The following CHD9 variants were observed in gnomAD, a reference collection of about 807,000 sequenced individuals.
CHD9 encodes ATP-dependent chromatin remodeler CHD9.
Under a neutral mutation model 316.1 loss-of-function variants are expected in CHD9, and 77 were observed. The observed-to-expected ratio is 0.24, with a 90% confidence interval of 0.20 to 0.29. CHD9 has a LOEUF of 0.29. Ranked by LOEUF, CHD9 falls within the 10% of genes least tolerant of loss-of-function variation. The pLI, the probability that CHD9 is intolerant of heterozygous loss-of-function variation, is 1.00. For missense variants in CHD9, 2,763 were observed against 3,438.1 expected (o/e 0.80, Z 4.91); for synonymous variants, 1,129 against 1,158.3 (o/e 0.97, Z 0.51).
intron 1 of CHD9, among the ~76,000 whole-genome samples, chr16:53,153,893 A>AG (rs1341008152): frequency 1.3e-5 from 2 of 152,160 alleles, no homozygotes; most frequent in African/African-American, 4.8e-5. Context: ...GAAATACTTC[A>AG]GCTTGTAGGT....
chr16:53,093,929 C>T (rs780339658), intron 1 of CHD9, among the ~76,000 whole-genome samples: 9 of 152,138 alleles, frequency 5.9e-5, no homozygotes, highest in Admixed American at 2.6e-4. Flanking sequence ...GGTTCGATTG[C>T]GAGTGTCCCA....
intron 2 of CHD9, among the ~76,000 whole-genome samples, chr16:53,166,051 G>A (rs111360510): frequency 8.5e-5 from 13 of 152,210 alleles, no homozygotes; most frequent in African/African-American, 3.1e-4. Context: ...TAGAAATTCT[G>A]TCTAGGAATT....
At chr16:53,221,779 G>T (rs571500738) in intron 3 of CHD9, among the ~76,000 whole-genome samples, 1 of 152,212 alleles carries the variant, frequency 6.6e-6, no homozygotes, top group African/African-American at 2.4e-5. Flanking sequence ...ATAAGTGAAA[G>T]AATTAAAGAA....
At chr16:53,283,368 C>T (rs1297716899) in intron 24 of CHD9, among the ~76,000 whole-genome samples, 5 of 152,254 alleles carry the variant, frequency 3.3e-5, no homozygotes, top group Admixed American at 2.6e-4. Context: ...CAAGAGATGA[C>T]ACAAGTTAGT....
intron 20 of CHD9, among the ~76,000 whole-genome samples, chr16:53,264,469 A>G (rs2051459519): frequency 6.6e-6 from 1 of 152,124 alleles, no homozygotes; most frequent in African/African-American, 2.4e-5. Context: ...CTTATGTACC[A>G]TGTACTGTGG....
At chr16:53,164,554 G>T (rs1316954452) in intron 2 of CHD9, among the ~76,000 whole-genome samples, 1 of 152,094 alleles carries the variant, frequency 6.6e-6, no homozygotes, top group Non-Finnish European at 1.5e-5. Context: ...ACTCCAGCCT[G>T]GGTGATAGAG....
At position 53,307,852 on chromosome 16, in the gene CHD9, C is replaced by A; in HGVS notation, c.6952C>A (p.Pro2318Thr). 1 of 1,613,300 alleles carries A rather than the reference C, an allele frequency of 6.2e-7. No homozygotes were observed. The highest frequency in any genetic ancestry group is 8.5e-7 in the Non-Finnish European group (1 of 1,179,420). ...ATACAGCGATCCCAGTGTACCCACTCCCCCAGGTGCCGGTGTTAAAGAAGA... is the reference window on the plus strand; with the variant it reads ...ATACAGCGATCCCAGTGTACCCACTACCCCAGGTGCCGGTGTTAAAGAAGA... ...TEYSDPSVPT[P>T]PGAGVKEEHD... The change falls in exon 33 of 39, where the codon CCC becomes ACC. Residue 2318 changes from proline to threonine, a missense_variant. Coordinates refer to ENST00000447540, the MANE Select transcript of CHD9 (RefSeq NM_001308319.2).
chr16:53,162,314 G>A (rs907233615), intron 2 of CHD9, among the ~76,000 whole-genome samples: 3 of 152,182 alleles, frequency 2.0e-5, no homozygotes, highest in Non-Finnish European at 4.4e-5. Flanking sequence ...GTTTCCAAAT[G>A]TAAGTATGTA....
intron 13 of CHD9, among the ~76,000 whole-genome samples, chr16:53,244,660 G>T (rs533976955): frequency 6.6e-5 from 10 of 152,170 alleles, no homozygotes; most frequent in African/African-American, 2.4e-4. Context: ...AAGAAAAAAT[G>T]CCCTCTTTGT....
intron 2 of CHD9, among the ~76,000 whole-genome samples, chr16:53,178,515 C>T (rs557309378): frequency 9.3e-4 from 139 of 149,482 alleles, no homozygotes; most frequent in African/African-American, 3.2e-3. Flanking sequence ...TCACTGTACC[C>T]TTGACCTCCT....
intron 1 of CHD9, among the ~76,000 whole-genome samples, chr16:53,143,682 C>T (rs1449369142): frequency 6.6e-6 from 1 of 152,088 alleles, no homozygotes; most frequent in Non-Finnish European, 1.5e-5. Context: ...CTACCACGCC[C>T]GGCCTCATAA....
chr16:53,057,019 A>G (rs11641331), intron 1 of CHD9, among the ~76,000 whole-genome samples: 1 of 151,908 alleles, frequency 6.6e-6, no homozygotes, highest in Non-Finnish European at 1.5e-5. Flanking sequence ...CTTAAAAAAA[A>G]TTTGTTTGTG....
rs1458739432 is a variant in CHD9, at chr16:53,089,318, T to C, written c.-165+34241T>C. Among the ~76,000 whole-genome samples, 5 of 152,098 alleles carry C rather than the reference T, an allele frequency of 3.3e-5. No homozygotes were observed. The South Asian group carries it at 1.0e-3, about 32-fold the overall frequency. On this transcript the variant is annotated intron_variant, in intron 1 of 38. Transcript: ENST00000447540. ...CAAAACAAAACAAAAGAAAATGAAG[T>C]TGAATAGATACTAATGGCAAAACTG...
chr16:53,128,415 C>T (rs889518898), intron 1 of CHD9, among the ~76,000 whole-genome samples: 1 of 152,142 alleles, frequency 6.6e-6, no homozygotes, highest in Non-Finnish European at 1.5e-5. Flanking sequence ...CTCCTGGCCT[C>T]AGGTGATCTG....
intron 15 of CHD9, among the ~76,000 whole-genome samples, chr16:53,246,548 G>A (rs1404186704): frequency 6.6e-6 from 1 of 151,918 alleles, no homozygotes; most frequent in African/African-American, 2.4e-5. Context: ...AAGATACAGT[G>A]TCATTCTATC....
intron 2 of CHD9, among the ~76,000 whole-genome samples, chr16:53,204,946 C>G (rs190462794): frequency 6.6e-6 from 1 of 152,036 alleles, no homozygotes; most frequent in Non-Finnish European, 1.5e-5. Flanking sequence ...TGGGTTCAAG[C>G]GATTCTCCTG....
intron 2 of CHD9, among the ~76,000 whole-genome samples, chr16:53,175,992 T>C (rs1048187823): frequency 5.9e-5 from 9 of 152,184 alleles, no homozygotes; most frequent in African/African-American, 2.2e-4. Context: ...TATGGGGATA[T>C]TGAAGCTGGA....
intron 1 of CHD9, among the ~76,000 whole-genome samples, chr16:53,114,189 G>A (rs1463679801): frequency 1.3e-5 from 2 of 152,010 alleles, no homozygotes; most frequent in Non-Finnish European, 2.9e-5. Context: ...CCACTATTTG[G>A]TCTAATTTCT....
At chr16:53,083,398 G>T (rs2035195817) in intron 1 of CHD9, among the ~76,000 whole-genome samples, 1 of 152,098 alleles carries the variant, frequency 6.6e-6, no homozygotes, top group Non-Finnish European at 1.5e-5. Context: ...AAGACTAAAA[G>T]AATCTAACTG....
Sources: allele counts gnomAD v4.1 joint callset (sites outside exome capture counted in the v4.1 genomes callset), GRCh38; gene constraint gnomAD v4.1.1; transcripts MANE v1.5; gene names NCBI Gene and HGNC (gene_info 2026-07-23, HGNC 2026-07-21).